Variants in CELF2 observed in about 807,000 individuals in gnomAD.
The protein encoded by CELF2 is CUG triplet repeat RNA-binding protein 2.
CELF2 carries 8 observed loss-of-function variants against 62.6 expected under a neutral mutation model. The observed-to-expected ratio is 0.13, with a 90% CI of 0.07 to 0.23. The LOEUF (loss-of-function observed/expected upper bound fraction) is 0.23, where lower values mean the gene tolerates loss of function less well. CELF2 is among the 10% of genes least tolerant of loss of function. The probability of loss-of-function intolerance (pLI) is 1.00; values close to 1 mark genes in which losing one functional copy is unlikely to be tolerated. For synonymous variants in CELF2, 258 were observed against 250.0 expected (o/e 1.03, Z -0.30); for missense variants, 333 against 671.0 (o/e 0.50, Z 5.56).
chr10:11,058,461 GTTTT>G lies in CELF2; in HGVS notation c.74+40318_74+40321del, dbSNP rs67113152. ...GAGGTACTGTTGGTTTTTTTTGTTG[GTTTT>G]TTTTTTTTTTTTTTTTTTTGTGATG... On this transcript the variant is annotated intron_variant, in intron 1 of 12. Coordinates refer to ENST00000633077, the MANE Select transcript of CELF2 (RefSeq NM_001326342.2). Among the ~76,000 whole-genome samples the G allele has an allele frequency of 2.5e-4, 29 of 116,812 alleles. 1 individual carries two copies. In the East Asian group the frequency reaches 5.5e-3, roughly 22 times the overall value. The allele number at this position is 116,812 out of a possible 152,430, so 76.6% of individuals were successfully genotyped here.
chr10:10,832,279 T>TAAAAAA lies in CELF2; in HGVS notation c.53+33467_53+33468insAAAAAA, dbSNP rs1564688059. Among the ~76,000 whole-genome samples the TAAAAAA allele has an allele frequency of 6.7e-5, 10 of 150,168 alleles. 1 individual carries two copies. The highest frequency in any genetic ancestry group is 2.2e-4 in the African/African-American group (9 of 40,908). On this transcript the variant is annotated intron_variant, in intron 1 of 13. Transcript: ENST00000636488. ...CGAGACTCCATCTAAAAAAAAAAAA[T>TAAAAAA]AAAAATAAATAAATAAATAAGTAAA...
chr10:10,880,378 G>A (rs1046161912), intron 1 of CELF2, among the ~76,000 whole-genome samples: 2 of 152,106 alleles, frequency 1.3e-5, no homozygotes, highest in Admixed American at 6.5e-5. Context: ...ATGATTTGGA[G>A]GCCTGAATAT....
intron 1 of CELF2, among the ~76,000 whole-genome samples, chr10:10,840,441 T>C (rs1366004191): frequency 6.6e-6 from 1 of 152,212 alleles, no homozygotes; most frequent in African/African-American, 2.4e-5. Flanking sequence ...GTTTAAATTG[T>C]CATTTCCCAA....
the CELF2 span, among the ~76,000 whole-genome samples, chr10:10,598,751 CTTTTTTTTTTTTTTTTT>C: frequency 2.9e-5 from 2 of 69,586 alleles, no homozygotes; most frequent in Non-Finnish European, 3.0e-5. Flanking sequence ...CTTTTTCTTT[CTTTTTTTTTTTTTTTTT>C]TTTTTTTTTT....
chr10:10,692,294 G>T, the CELF2 span, among the ~76,000 whole-genome samples: 5 of 151,534 alleles, frequency 3.3e-5, no homozygotes, highest in Admixed American at 2.6e-4. Context: ...GTTTTTCTCA[G>T]GTTTCTCAAA....
In CELF2 at chr10:11,165,214, C is replaced by CA. The variant is rs368216915; in HGVS notation, c.75-271dup. The CA allele has an allele frequency of 2.6e-4, 332 of 1,300,016 alleles. 1 individual carries two copies. The African/African-American group carries it at 4.2e-3, about 16-fold the overall frequency. The allele number at this position is 1,300,016 out of a possible 1,614,324, so 80.5% of individuals were successfully genotyped here. The stretch of plus-strand genomic sequence containing the variant: ...CTGCCTCCCGAGCCTCCAAGATGTC[C>CA]ACGCCCTGGGTGACAGGCGGCAGGG... On this transcript the variant is annotated intron_variant, in intron 1 of 12. Transcript: ENST00000633077. The surrounding 1 kb of genome is among the most constrained non-coding windows in gnomAD (Gnocchi z 7.4).
At chr10:11,196,632 G>A (rs536020307) in intron 2 of CELF2, among the ~76,000 whole-genome samples, 36 of 150,186 alleles carry the variant, frequency 2.4e-4, no homozygotes, top group Admixed American at 2.3e-3. Flanking sequence ...TGGCAACAGA[G>A]CAAGACCCTC....
At chr10:10,836,137 G>A (rs1244609230) in intron 1 of CELF2, among the ~76,000 whole-genome samples, 2 of 152,058 alleles carry the variant, frequency 1.3e-5, no homozygotes, top group Non-Finnish European at 2.9e-5. Context: ...ATAAACTGTG[G>A]AATAAAAAAT....
chr10:10,665,507 G>A, the CELF2 span, among the ~76,000 whole-genome samples: 1 of 151,980 alleles, frequency 6.6e-6, no homozygotes, highest in Admixed American at 6.6e-5. Context: ...GACCGTGCAG[G>A]GTAGGCTGCC....
chr10:11,228,549 G>A (rs1314836736), intron 3 of CELF2, among the ~76,000 whole-genome samples: 1 of 152,028 alleles, frequency 6.6e-6, no homozygotes, highest in South Asian at 2.1e-4. Context: ...CTGAAGCTAA[G>A]CTCATCCTGT....
intron 2 of CELF2, among the ~76,000 whole-genome samples, chr10:10,980,379 G>A (rs2051933096): frequency 6.6e-6 from 1 of 152,134 alleles, no homozygotes; most frequent in Non-Finnish European, 1.5e-5. Context: ...ATTGTAGAAG[G>A]AATGTTATCT....
At chr10:10,889,041 A>G (rs543038013) in intron 1 of CELF2, among the ~76,000 whole-genome samples, 25 of 152,166 alleles carry the variant, frequency 1.6e-4, no homozygotes, top group Non-Finnish European at 2.5e-4. Context: ...GGCACACCCC[A>G]TCACCCTCCT....
In CELF2 at chr10:10,929,503, A is replaced by G. The variant is rs546465609; in HGVS notation, c.89+9504A>G. 4 of 152,366 alleles carry G rather than the reference A, an allele frequency of 2.6e-5. No homozygotes were observed. The South Asian group carries it at 6.2e-4, about 24-fold the overall frequency. 9.4% of individuals were successfully genotyped at this position (152,366 alleles called of 1,614,324 possible). ...GTGTTCATGTCTAAGAGAAGATACC[A>G]TATTACATTATAAGGAGCAGCCCAG... On this transcript the variant is annotated intron_variant, in intron 2 of 13. Transcript: ENST00000636488.
At chr10:10,697,926 G>T in the CELF2 span, among the ~76,000 whole-genome samples, 1 of 152,096 alleles carries the variant, frequency 6.6e-6, no homozygotes, top group Non-Finnish European at 1.5e-5. Flanking sequence ...CTGAGTAGCT[G>T]GGATTACAGG....
At chr10:11,088,419 G>A (rs1030415201) in intron 1 of CELF2, among the ~76,000 whole-genome samples, 5 of 152,186 alleles carry the variant, frequency 3.3e-5, no homozygotes, top group Non-Finnish European at 7.3e-5. Context: ...TTGCATGCTG[G>A]GCTAGGGGGT....
rs567269859 is a variant in CELF2 at position 11,022,125 on chromosome 10, T to A, written c.74+3962T>A. 3.4e-4 allele frequency among the ~76,000 whole-genome samples: 52 copies of A among 152,332 alleles called. No individual in the cohort carries two copies. In the South Asian group the frequency reaches 0.01, roughly 30 times the overall value. Reference sequence around the variant, plus strand: ...ATAACTGGCATTTATCACCTGATACTCTGATGGTCATGAAAGGAAATTAAA... The same window carrying A: ...ATAACTGGCATTTATCACCTGATACACTGATGGTCATGAAAGGAAATTAAA... On this transcript the variant is annotated intron_variant, in intron 1 of 12. Transcript: ENST00000633077.
At chr10:10,872,617 G>A (rs1038891733) in intron 1 of CELF2, among the ~76,000 whole-genome samples, 1 of 151,776 alleles carries the variant, frequency 6.6e-6, no homozygotes, top group East Asian at 1.9e-4. Flanking sequence ...AGGCTGTGCC[G>A]ACTCTAATGT....
the CELF2 span, among the ~76,000 whole-genome samples, chr10:10,596,173 A>G: frequency 6.6e-6 from 1 of 151,956 alleles, no homozygotes; most frequent in Non-Finnish European, 1.5e-5. Context: ...ATTTTTGTGT[A>G]GTGGGTACTG....
rs559869455 is a variant in CELF2, at chr10:10,893,352, G to A, written c.54-26612G>A. On this transcript the variant is annotated intron_variant, in intron 1 of 13. Transcript: ENST00000636488. Reference sequence around the variant, plus strand: ...GCCATGATACATGAGGCTTCCAACAGTTCCTTTGCCATCCAAGTGGTTTCC... The same window carrying A: ...GCCATGATACATGAGGCTTCCAACAATTCCTTTGCCATCCAAGTGGTTTCC... Among the ~76,000 whole-genome samples the A allele has an allele frequency of 1.2e-3, 181 of 152,264 alleles. 1 individual carries two copies. The highest frequency in any genetic ancestry group is 4.2e-3 in the African/African-American group (173 of 41,548).
Sources: allele counts gnomAD v4.1 joint callset (sites outside exome capture counted in the v4.1 genomes callset), GRCh38; gene constraint gnomAD v4.1.1; non-coding constraint Gnocchi (gnomAD v3.1); transcripts MANE v1.5; gene names NCBI Gene and HGNC (gene_info 2026-07-23, HGNC 2026-07-21).